DMXL2: variants seen among roughly 807,000 people sequenced by gnomAD.
The protein encoded by DMXL2 is Dmx like 2.
In DMXL2, 103 loss-of-function variants were observed where a neutral mutation model predicts 331.1. The ratio of observed to expected loss-of-function variants is 0.31; its 90% CI spans 0.27 to 0.37. The LOEUF is 0.37. DMXL2 is among the 10% of genes least tolerant of loss of function. DMXL2 has a pLI of 1.00. For missense variants in DMXL2, 3,171 were observed against 3,642.9 expected (o/e 0.87, Z 3.33); for synonymous variants, 1,281 against 1,252.1 (o/e 1.02, Z -0.49).
At position 51,622,602 on chromosome 15, in the gene DMXL2, C is replaced by T. The variant is rs1402223329; in HGVS notation, c.-57G>A. 1 of 1,514,208 alleles carries T rather than the reference C, an allele frequency of 6.6e-7. No homozygotes were observed. Among genetic ancestry groups the T allele is most frequent in the East Asian group, 2.6e-5 (1 of 38,640 alleles). 93.8% of individuals were successfully genotyped at this position (1,514,208 alleles called of 1,614,324 possible). A position where few individuals can be genotyped will look rare whatever the true frequency, so the allele number is the denominator to read the frequency against. On this transcript the variant is annotated 5_prime_UTR_variant, in exon 1 of 44. Transcript: ENST00000560891. ...GAGGTGCGACAAGCTCCGCGCCTGA[C>T]CCTCCTCGGGCTGCGAGAGCCGTTT...
At chr15:51,471,003 T>TAAC (rs2041054525) in intron 29 of DMXL2, among the ~76,000 whole-genome samples, 1 of 152,204 alleles carries the variant, frequency 6.6e-6, no homozygotes, top group African/African-American at 2.4e-5. Flanking sequence ...AATTTATACA[T>TAAC]AACTCCCATG....
At chr15:51,595,765 A>G (rs1166976736) in intron 1 of DMXL2, among the ~76,000 whole-genome samples, 1 of 152,218 alleles carries the variant, frequency 6.6e-6, no homozygotes, top group Non-Finnish European at 1.5e-5. Context: ...AAATAATGCC[A>G]CATATCTACA....
At chr15:51,565,964 T>C (rs1245070051) in intron 3 of DMXL2, among the ~76,000 whole-genome samples, 1 of 152,110 alleles carries the variant, frequency 6.6e-6, no homozygotes, top group Non-Finnish European at 1.5e-5. Context: ...TCCCAACAGT[T>C]TGGGAGGCCA....
At chr15:51,538,538 G>GA in intron 9 of DMXL2, 86 bp from the exon 10 acceptor site, 1 of 1,070,614 alleles carries the variant, frequency 9.3e-7, no homozygotes, top group South Asian at 1.9e-5. Context: ...TCTATATAAA[G>GA]AAAAGGTGCT....
Position 51,479,938 on chromosome 15 carries a change from T to C in DMXL2, c.6756+10A>G, listed in dbSNP as rs1567006302. 1 of 1,479,594 alleles carries C rather than the reference T, an allele frequency of 6.8e-7. No homozygotes were observed. The highest frequency in any genetic ancestry group is 2.0e-5 in the Admixed American group (1 of 48,936). The allele number at this position is 1,479,594 out of a possible 1,614,324, so 91.7% of individuals were successfully genotyped here. A position where few individuals can be genotyped will look rare whatever the true frequency, so the allele number is the denominator to read the frequency against. On this transcript the variant is annotated intron_variant, in intron 25 of 43. Coordinates refer to ENST00000560891, the MANE Select transcript of DMXL2 (RefSeq NM_001378457.1). ...TGTATAATATCAAATGATCATAAACTTTACATTACCTTCACATCTTCAATA... is the reference window on the plus strand; with the variant it reads ...TGTATAATATCAAATGATCATAAACCTTACATTACCTTCACATCTTCAATA...
At chr15:51,594,008 A>G (rs1370395196) in intron 1 of DMXL2, among the ~76,000 whole-genome samples, 7 of 152,214 alleles carry the variant, frequency 4.6e-5, no homozygotes, top group Non-Finnish European at 8.8e-5. Flanking sequence ...TAAAAGAACT[A>G]GAGAAGCAAG....
In DMXL2 at chr15:51,575,969, G is replaced by A. The variant is rs191965131; in HGVS notation, c.213+87C>T. 35 of 1,335,728 alleles carry A rather than the reference G, an allele frequency of 2.6e-5. No homozygotes were observed. In the East Asian group the frequency reaches 2.8e-4, roughly 11 times the overall value. 82.7% of individuals were successfully genotyped at this position (1,335,728 alleles called of 1,614,324 possible). A position where few individuals can be genotyped will look rare whatever the true frequency, so the allele number is the denominator to read the frequency against. Reference sequence around the variant, plus strand: ...CCAAGCAATACATAAGAAATTATACGCAAGCTTTGCATAAAAGGATAAGAA... The same window carrying A: ...CCAAGCAATACATAAGAAATTATACACAAGCTTTGCATAAAAGGATAAGAA... On this transcript the variant is annotated intron_variant, in intron 2 of 43. Coordinates refer to ENST00000560891, the MANE Select transcript of DMXL2 (RefSeq NM_001378457.1).
intron 6 of DMXL2, among the ~76,000 whole-genome samples, chr15:51,554,185 T>C (rs1342288600): frequency 6.6e-6 from 1 of 152,236 alleles, no homozygotes; most frequent in Non-Finnish European, 1.5e-5. Context: ...AGCAGCTCTC[T>C]GACATGCTGA....
In DMXL2 at chr15:51,485,723, T is replaced by A. The variant is rs80239452; in HGVS notation, c.5482+350A>T. ...CTTGTAATATCTAAATTATTTAGGA[T>A]AACAAGGAAAAAAGAAAATTTACCA... On this transcript the variant is annotated intron_variant, in intron 23 of 43. Transcript: ENST00000560891. Among the ~76,000 whole-genome samples, 1,007 of 152,252 alleles carry A rather than the reference T, an allele frequency of 6.6e-3. 11 individuals carry two copies. The highest frequency in any genetic ancestry group is 0.023 in the African/African-American group (961 of 41,546).
At chr15:51,548,763 A>G (rs2049031926) in intron 6 of DMXL2, among the ~76,000 whole-genome samples, 1 of 152,092 alleles carries the variant, frequency 6.6e-6, no homozygotes, top group East Asian at 1.9e-4. Context: ...TAGTAACAGA[A>G]AGTTATCTAG....
intron 15 of DMXL2, among the ~76,000 whole-genome samples, chr15:51,509,882 G>C (rs572520123): frequency 6.6e-6 from 1 of 152,216 alleles, no homozygotes; most frequent in Admixed American, 6.5e-5. Context: ...TTCATCCCTG[G>C]GATGAGAGGC....
chr15:51,460,613 C>A (rs1468075384), intron 33 of DMXL2: 1 of 154,602 alleles, frequency 6.5e-6, no homozygotes, highest in Non-Finnish European at 1.4e-5. Flanking sequence ...TTAAATGCAC[C>A]CAGCATTTTT....
intron 13 of DMXL2, among the ~76,000 whole-genome samples, chr15:51,527,073 A>C (rs2047716086): frequency 6.6e-6 from 1 of 152,208 alleles, no homozygotes; most frequent in Admixed American, 6.5e-5. Flanking sequence ...AACTCAAAGA[A>C]GACTACCTCG....
chr15:51,611,591 G>A (rs945025594), intron 1 of DMXL2, among the ~76,000 whole-genome samples: 2 of 152,058 alleles, frequency 1.3e-5, no homozygotes, highest in African/African-American at 2.4e-5. Context: ...TACATCTTGC[G>A]GGGTGGGAGG....
rs182554580 is a variant in DMXL2, at chr15:51,458,305, A to G, written c.8198+201T>C. ...TTATCCTTATTGAAATATTATCAATAGTGTAGGGTTTAATGGAAGTGTAAT... is the reference window on the plus strand; with the variant it reads ...TTATCCTTATTGAAATATTATCAATGGTGTAGGGTTTAATGGAAGTGTAAT... On this transcript the variant is annotated intron_variant, in intron 36 of 43. Transcript: ENST00000560891. Among the ~76,000 whole-genome samples the G allele has an allele frequency of 4.6e-5, 7 of 152,360 alleles. No homozygotes were observed. In the East Asian group the frequency reaches 1.3e-3, roughly 29 times the overall value.
rs1321699765 is a variant in DMXL2 at position 51,566,231 on chromosome 15, GGGTGTGTGTGTGT to G, written c.286-1078_286-1066del. On this transcript the variant is annotated intron_variant, in intron 3 of 43. Coordinates refer to ENST00000560891, the MANE Select transcript of DMXL2 (RefSeq NM_001378457.1). ...TATATCTAAAAAAAATGTGTGTGTG[GGGTGTGTGTGTGT>G]GTGTGTGTGTGTGTGTGTGTGTGTG... Among the ~76,000 whole-genome samples, 684 of 94,698 alleles carry G rather than the reference GGGTGTGTGTGTGT, an allele frequency of 7.2e-3. 19 individuals carry two copies. The East Asian group carries it at 0.085, about 12-fold the overall frequency. The allele number at this position is 94,698 out of a possible 152,430, so 62.1% of individuals were successfully genotyped here. A position where few individuals can be genotyped will look rare whatever the true frequency, so the allele number is the denominator to read the frequency against.
At chr15:51,551,780 TAA>T (rs1364919306) in intron 6 of DMXL2, among the ~76,000 whole-genome samples, 1 of 152,190 alleles carries the variant, frequency 6.6e-6, no homozygotes, top group Non-Finnish European at 1.5e-5. Flanking sequence ...ACAGAAATAA[TAA>T]AATACATTTC....
At chr15:51,590,071 T>C (rs2052176066) in intron 1 of DMXL2, among the ~76,000 whole-genome samples, 1 of 152,198 alleles carries the variant, frequency 6.6e-6, no homozygotes, top group Non-Finnish European at 1.5e-5. Context: ...AGAGCAGCCC[T>C]GGCAGACCAC....
At chr15:51,576,248 T>C in intron 1 of DMXL2, 67 bp from the exon 2 acceptor site, 1 of 1,180,100 alleles carries the variant, frequency 8.5e-7, no homozygotes, top group Non-Finnish European at 1.1e-6. Context: ...TCTTATTACA[T>C]ACTATTTTAT....
Sources: allele counts gnomAD v4.1 joint callset (sites outside exome capture counted in the v4.1 genomes callset), GRCh38; gene constraint gnomAD v4.1.1; transcripts MANE v1.5; gene names NCBI Gene and HGNC (gene_info 2026-07-23, HGNC 2026-07-21).